Variants in LRRFIP1 observed in about 807,000 individuals in gnomAD.
LRRFIP1 encodes the protein LRR binding FLII interacting protein 1.
A neutral mutation model predicts 104.4 loss-of-function variants in LRRFIP1; 62 were observed. That is an observed-to-expected ratio of 0.59 (90% CI 0.48 to 0.73). The LOEUF (loss-of-function observed/expected upper bound fraction) is 0.73. Among genes scored for constraint, LRRFIP1 ranks in the 30% least tolerant of loss-of-function variants. The pLI is 0.00. For synonymous variants in LRRFIP1, 300 were observed against 299.0 expected (o/e 1.00, Z -0.03); for missense variants, 796 against 824.5 (o/e 0.97, Z 0.42).
chr2:237,687,049 G>A (rs1173324853), intron 1 of LRRFIP1, among the ~76,000 whole-genome samples: 5 of 152,254 alleles, frequency 3.3e-5, no homozygotes, highest in African/African-American at 1.2e-4. Flanking sequence ...GAGGCCCCTG[G>A]ATGGCTGGGA....
At chr2:237,750,039 G>T (rs1053843257) in intron 13 of LRRFIP1, among the ~76,000 whole-genome samples, 1 of 151,960 alleles carries the variant, frequency 6.6e-6, no homozygotes, top group Non-Finnish European at 1.5e-5. Context: ...AAAGGAGCCA[G>T]AACTGACTCA....
At chr2:237,770,196 T>C in intron 20 of LRRFIP1, 1 of 558,166 alleles carries the variant, frequency 1.8e-6, no homozygotes, top group Non-Finnish European at 3.2e-6. Context: ...CTGAGTCATA[T>C]GAGGTTTAAT....
chr2:237,759,365 C>T (rs10175355), intron 18 of LRRFIP1, among the ~76,000 whole-genome samples: 3,513 of 152,208 alleles, frequency 0.023, 140 homozygotes, highest in African/African-American at 0.078. Flanking sequence ...GTTCCTGAAC[C>T]GTCACCATCT....
At chr2:237,739,633 A>G (rs924199808) in intron 11 of LRRFIP1, among the ~76,000 whole-genome samples, 3 of 152,170 alleles carry the variant, frequency 2.0e-5, no homozygotes, top group Non-Finnish European at 4.4e-5. Flanking sequence ...AGACCCCGAC[A>G]GTGTTTAAGG....
chr2:237,751,112 C>A, intron 13 of LRRFIP1, 88 bp from the exon 14 acceptor site: 3 of 873,434 alleles, frequency 3.4e-6, no homozygotes, highest in South Asian at 1.7e-5. Flanking sequence ...TCAGACTACC[C>A]AAATAGAAAC....
At chr2:237,708,727 C>T in intron 2 of LRRFIP1, 97 bp downstream of exon 2, 1 of 1,335,170 alleles carries the variant, frequency 7.5e-7, no homozygotes, top group South Asian at 1.3e-5. Flanking sequence ...ACGCACCTGG[C>T]TGTCTCACGT....
At chr2:237,672,022 T>C (rs1468004643) in intron 1 of LRRFIP1, among the ~76,000 whole-genome samples, 1 of 152,042 alleles carries the variant, frequency 6.6e-6, no homozygotes, top group Non-Finnish European at 1.5e-5. Flanking sequence ...AACGAAATTA[T>C]ATGACTTGAT....
chr2:237,726,390 T>C (rs1465669437), intron 7 of LRRFIP1, among the ~76,000 whole-genome samples: 1 of 152,194 alleles, frequency 6.6e-6, no homozygotes, highest in Non-Finnish European at 1.5e-5. Flanking sequence ...CTGCAAAATA[T>C]GTGCTATACA....
At chr2:237,643,170 GT>G (rs370334936) in intron 1 of LRRFIP1, among the ~76,000 whole-genome samples, 22 of 152,398 alleles carry the variant, frequency 1.4e-4, no homozygotes, top group Non-Finnish European at 2.8e-4. Context: ...ACATGCAGCA[GT>G]GTGCTCATGG....
At chr2:237,645,091 T>G (rs2084653842) in intron 1 of LRRFIP1, among the ~76,000 whole-genome samples, 1 of 152,186 alleles carries the variant, frequency 6.6e-6, no homozygotes, top group Non-Finnish European at 1.5e-5. Flanking sequence ...GAAGTGGACT[T>G]AGGCTGCCCA....
chr2:237,764,335 T>C, intron 19 of LRRFIP1: 1 of 1,488,316 alleles, frequency 6.7e-7, no homozygotes, highest in Non-Finnish European at 8.9e-7. Flanking sequence ...TCACCCAGAT[T>C]AGAAAGACAT....
chr2:237,757,696 T>G (rs2059412776), intron 17 of LRRFIP1, 148 bp downstream of exon 17: 1 of 669,782 alleles, frequency 1.5e-6, no homozygotes, highest in Non-Finnish European at 2.7e-6. Flanking sequence ...TTATTTAATT[T>G]TATTAAGTAG....
intron 13 of LRRFIP1, 63 bp downstream of exon 13, chr2:237,749,387 TAAA>T (rs200556733): frequency 1.7e-5 from 23 of 1,321,144 alleles, no homozygotes; most frequent in Middle Eastern, 2.1e-4. Flanking sequence ...GTCTTTAGAT[TAAA>T]AAAAAAAAAG....
chr2:237,682,236 G>C (rs2091919942), intron 1 of LRRFIP1, among the ~76,000 whole-genome samples: 2 of 152,218 alleles, frequency 1.3e-5, no homozygotes, highest in Admixed American at 1.3e-4. Flanking sequence ...CAGATGGAAT[G>C]AGCTGCCAGA....
intron 11 of LRRFIP1, 56 bp downstream of exon 11, chr2:237,739,365 CT>C: frequency 7.1e-7 from 1 of 1,416,924 alleles, no homozygotes; most frequent in Non-Finnish European, 9.6e-7. Context: ...TCCCCCTTCC[CT>C]TATCCTCCTC....
intron 1 of LRRFIP1, among the ~76,000 whole-genome samples, chr2:237,680,272 G>A (rs1459281904): frequency 1.3e-5 from 2 of 152,154 alleles, no homozygotes; most frequent in African/African-American, 2.4e-5. Flanking sequence ...TGGGAGGGTC[G>A]CTTGAGGCCA....
At chr2:237,687,146 C>T (rs571344604) in intron 1 of LRRFIP1, among the ~76,000 whole-genome samples, 2 of 152,224 alleles carry the variant, frequency 1.3e-5, no homozygotes, top group Non-Finnish European at 2.9e-5. Context: ...GGGTTGAAAA[C>T]CTAGCTTCGC....
At chr2:237,662,045 G>A (rs78541084) in intron 1 of LRRFIP1, among the ~76,000 whole-genome samples, 4,082 of 152,256 alleles carry the variant, frequency 0.027, 189 homozygotes, top group African/African-American at 0.091. Context: ...TCCGGAGACC[G>A]GAAGTCCAAA....
intron 17 of LRRFIP1, among the ~76,000 whole-genome samples, chr2:237,758,245 T>TGTCTGC (rs1016530749): frequency 5.9e-5 from 9 of 152,186 alleles, no homozygotes; most frequent in Non-Finnish European, 1.0e-4. Context: ...TGTGTGTGTG[T>TGTCTGC]CTGCATGCAC....
Sources: allele counts gnomAD v4.1 joint callset (sites outside exome capture counted in the v4.1 genomes callset), GRCh38; gene constraint gnomAD v4.1.1; transcripts MANE v1.5; gene names NCBI Gene and HGNC (gene_info 2026-07-23, HGNC 2026-07-21).